Variants in PVT1 observed in about 807,000 individuals in gnomAD.
PVT1 encodes Pvt1 oncogene.
intron 4 of PVT1, among the ~76,000 whole-genome samples, chr8:128,025,248 C>T (rs1205284678): frequency 6.6e-6 from 1 of 152,180 alleles, no homozygotes; most frequent in Admixed American, 6.5e-5. Flanking sequence ...TCCGTCATTG[C>T]ACCCTGGGTG....
At chr8:127,840,100 A>G (rs1814956974) in intron 2 of PVT1, among the ~76,000 whole-genome samples, 1 of 152,166 alleles carries the variant, frequency 6.6e-6, no homozygotes, top group Admixed American at 6.5e-5. Context: ...GAGCAGGTAA[A>G]GGGGGTAGAA....
chr8:127,890,416 A>T (rs995360169), intron 2 of PVT1, among the ~76,000 whole-genome samples: 1 of 152,208 alleles, frequency 6.6e-6, no homozygotes, highest in African/African-American at 2.4e-5. Context: ...GGCAGCTCTC[A>T]CCTGAAGGCC....
chr8:127,941,773 C>T (rs1164202587), intron 3 of PVT1, among the ~76,000 whole-genome samples: 6 of 152,244 alleles, frequency 3.9e-5, no homozygotes, highest in African/African-American at 1.4e-4. Flanking sequence ...AGGCCACACT[C>T]AGTCTCCTGC....
At chr8:127,955,068 A>G (rs1816553341) in intron 3 of PVT1, among the ~76,000 whole-genome samples, 1 of 152,184 alleles carries the variant, frequency 6.6e-6, no homozygotes, top group Non-Finnish European at 1.5e-5. Context: ...AGGACCTCAG[A>G]ATATGACTGG....
chr8:128,046,249 G>C (rs1813610566), intron 4 of PVT1, among the ~76,000 whole-genome samples: 1 of 152,202 alleles, frequency 6.6e-6, no homozygotes, highest in Non-Finnish European at 1.5e-5. Context: ...CTGTGTGCCA[G>C]ACACTGTCCT....
In PVT1 at chr8:127,854,014, C is replaced by T. The variant is rs552644662; in HGVS notation, n.373-36575C>T. On this transcript the variant is annotated intron_variant and non_coding_transcript_variant, in intron 2 of 10. Coordinates refer to ENST00000651587, the Ensembl canonical transcript of PVT1. ...CTCCTCTGCCCCCAGCCCCACGTGCCAACTTGTTTCAGCCTGGCAAGGAGG... is the reference window on the plus strand; with the variant it reads ...CTCCTCTGCCCCCAGCCCCACGTGCTAACTTGTTTCAGCCTGGCAAGGAGG... Among the ~76,000 whole-genome samples the T allele has an allele frequency of 2.0e-5, 3 of 152,284 alleles. No individual in the cohort carries two copies. In the South Asian group the frequency reaches 6.2e-4, roughly 32 times the overall value.
chr8:127,808,819 C>G (rs1462659273), intron 2 of PVT1, among the ~76,000 whole-genome samples: 1 of 151,850 alleles, frequency 6.6e-6, no homozygotes, highest in Non-Finnish European at 1.5e-5. Context: ...CACTTGAGGT[C>G]AGGAGTTCAG....
At chr8:127,972,552 A>G (rs1475981867) in intron 3 of PVT1, among the ~76,000 whole-genome samples, 1 of 152,142 alleles carries the variant, frequency 6.6e-6, no homozygotes, top group Non-Finnish European at 1.5e-5. Flanking sequence ...AGCCTGACCA[A>G]CATGGTGCAA....
At chr8:127,882,642 C>T (rs1039121080) in intron 2 of PVT1, among the ~76,000 whole-genome samples, 9 of 152,104 alleles carry the variant, frequency 5.9e-5, no homozygotes, top group African/African-American at 2.2e-4. Flanking sequence ...CGCCACCACG[C>T]CCAGCTAATT....
chr8:128,047,338 C>T (rs1813628547), intron 4 of PVT1, among the ~76,000 whole-genome samples: 1 of 152,174 alleles, frequency 6.6e-6, no homozygotes, highest in Non-Finnish European at 1.5e-5. Context: ...AACTAAGTCA[C>T]CATGGGCCAG....
intron 3 of PVT1, among the ~76,000 whole-genome samples, chr8:127,942,131 C>G (rs1816360169): frequency 6.6e-6 from 1 of 152,232 alleles, no homozygotes; most frequent in South Asian, 2.1e-4. Context: ...TTAAGACTCA[C>G]AAGCCCATGT....
chr8:127,808,489 G>A (rs1052262211), intron 2 of PVT1, among the ~76,000 whole-genome samples: 1 of 152,162 alleles, frequency 6.6e-6, no homozygotes, highest in Admixed American at 6.5e-5. Context: ...AGGAGTGAAC[G>A]TCCAGGGTCC....
chr8:127,810,178 C>G (rs1488040446), intron 2 of PVT1, among the ~76,000 whole-genome samples: 2 of 152,240 alleles, frequency 1.3e-5, no homozygotes, highest in Non-Finnish European at 2.9e-5. Context: ...CCTGGCTGGT[C>G]TGAGCCCTCT....
chr8:127,854,200 G>A (rs1815138125), intron 2 of PVT1, among the ~76,000 whole-genome samples: 1 of 152,238 alleles, frequency 6.6e-6, no homozygotes, highest in Non-Finnish European at 1.5e-5. Context: ...AGATCATGTA[G>A]CACTGCTGGG....
In PVT1 at chr8:128,087,681, T is replaced by C. The variant is rs1814275714; in HGVS notation, n.1115-8837T>C. ...TGAATGATTGGCTCACCAAAGTTTT[T>C]GCTGGTTTTCTGTGTTGTTGCAATC... On this transcript the variant is annotated intron_variant and non_coding_transcript_variant, in intron 5 of 10. Coordinates refer to ENST00000651587, the Ensembl canonical transcript of PVT1. Among the ~76,000 whole-genome samples, 4 of 152,246 alleles carry C rather than the reference T, an allele frequency of 2.6e-5. No individual in the cohort carries two copies. The South Asian group carries it at 8.3e-4, about 32-fold the overall frequency.
At position 128,000,094 on chromosome 8, in the gene PVT1, C is replaced by G. The variant is rs192209229; in HGVS notation, n.912+10803C>G. Among the ~76,000 whole-genome samples the G allele has an allele frequency of 2.0e-3, 310 of 152,280 alleles. 3 individuals are homozygous for G. Among genetic ancestry groups the G allele is most frequent in the African/African-American group, 7.3e-3 (302 of 41,562 alleles). Reference sequence around the variant, plus strand: ...TCTGCTCCTGTCCTCCTACTGACAGCCTTTCCTGCTTTCCTTTCCCTCCCA... The same window carrying G: ...TCTGCTCCTGTCCTCCTACTGACAGGCTTTCCTGCTTTCCTTTCCCTCCCA... On this transcript the variant is annotated intron_variant and non_coding_transcript_variant, in intron 4 of 10. Coordinates refer to ENST00000651587, the Ensembl canonical transcript of PVT1.
At chr8:128,033,020 G>GT (rs948006074) in intron 4 of PVT1, among the ~76,000 whole-genome samples, 29 of 152,278 alleles carry the variant, frequency 1.9e-4, no homozygotes, top group Admixed American at 2.6e-4. Flanking sequence ...CACCCTTCAG[G>GT]TAAGGGTGCA....
chr8:128,056,883 T>C (rs2130114694), intron 4 of PVT1, among the ~76,000 whole-genome samples: 1 of 152,330 alleles, frequency 6.6e-6, no homozygotes, highest in African/African-American at 2.4e-5. Context: ...CTTTACTCTC[T>C]GGTTAATTCA....
intron 4 of PVT1, among the ~76,000 whole-genome samples, chr8:128,060,703 G>A (rs749688213): frequency 1.2e-4 from 18 of 152,176 alleles, no homozygotes; most frequent in Non-Finnish European, 2.2e-4. Flanking sequence ...AGGAAAACTG[G>A]TCTGTCTTCT....
Sources: allele counts gnomAD v4.1 joint callset (sites outside exome capture counted in the v4.1 genomes callset), GRCh38; gene constraint gnomAD v4.1.1; transcripts MANE v1.5; gene names NCBI Gene and HGNC (gene_info 2026-07-23, HGNC 2026-07-21).